The following TUFT1 variants were observed in gnomAD, a reference collection of about 807,000 sequenced individuals.
TUFT1 encodes tuftelin.
Under a neutral mutation model 57.8 loss-of-function variants are expected in TUFT1, and 43 were observed. The observed-to-expected ratio is 0.74, with a 90% CI of 0.58 to 0.96. The LOEUF (loss-of-function observed/expected upper bound fraction) is 0.96. Among genes scored for constraint, TUFT1 ranks in the 40% least tolerant of loss-of-function variants. The pLI, the probability that TUFT1 is intolerant of heterozygous loss-of-function variation, is 0.00. For synonymous variants in TUFT1, 166 were observed against 176.7 expected (o/e 0.94, Z 0.48); for missense variants, 459 against 489.0 (o/e 0.94, Z 0.58).
chr1:151,561,743 A>G (rs951033632), intron 1 of TUFT1: 10 of 1,315,406 alleles, frequency 7.6e-6, no homozygotes, highest in Middle Eastern at 2.1e-4. Context: ...ATTGAGGATG[A>G]GCAGTCCAGG....
intron 7 of TUFT1, among the ~76,000 whole-genome samples, chr1:151,572,863 C>T (rs192842118): frequency 2.0e-4 from 30 of 152,268 alleles, no homozygotes; most frequent in Admixed American, 4.6e-4. Flanking sequence ...AGGGGCTGGA[C>T]GAACTGGCTG....
At chr1:151,544,865 GT>G (rs1381911152) in intron 1 of TUFT1, among the ~76,000 whole-genome samples, 2 of 152,144 alleles carry the variant, frequency 1.3e-5, no homozygotes, top group African/African-American at 2.4e-5. Context: ...TGATTTATCA[GT>G]TTTAGACATC....
At chr1:151,567,969 A>G (rs1439806204) in intron 6 of TUFT1, among the ~76,000 whole-genome samples, 2 of 152,280 alleles carry the variant, frequency 1.3e-5, no homozygotes, top group Non-Finnish European at 2.9e-5. Flanking sequence ...AGAAACAAAT[A>G]TCACTTGTAA....
At position 151,562,047 on chromosome 1, in the gene TUFT1, CTG is replaced by C. The variant is rs770542392; in HGVS notation, c.61-42_61-41del. 3 of 1,594,218 alleles carry C rather than the reference CTG, an allele frequency of 1.9e-6. No homozygotes were observed. In the South Asian group the frequency reaches 3.3e-5, roughly 18 times the overall value. On this transcript the variant is annotated intron_variant, in intron 1 of 12. Transcript: ENST00000368849. ...ACTGGTAGCAGTTTGTACCTGTAGA[CTG>C]TAAAGTTGAGGGGTTATTGTTGCTG... is the stretch of plus-strand genomic sequence containing the variant.
At chr1:151,542,957 A>G (rs76989031) in intron 1 of TUFT1, among the ~76,000 whole-genome samples, 2,511 of 152,322 alleles carry the variant, frequency 0.016, 31 homozygotes, top group Non-Finnish European at 0.026. Context: ...AAGTGAGTCA[A>G]TAAATAAATG....
rs368311783 is a variant in TUFT1, at chr1:151,564,012, C to T, written c.324+22C>T. On this transcript the variant is annotated intron_variant, in intron 4 of 12. Transcript: ENST00000368849. ...GGAGGTGGGCACCCCTTACCTCTCA[C>T]GCAGTGCCTAGGTCATTTCTCTAAA... The T allele has an allele frequency of 4.8e-4, 765 of 1,578,902 alleles. 1 individual carries two copies. Among genetic ancestry groups the T allele is most frequent in the Non-Finnish European group, 6.4e-4 (732 of 1,150,082 alleles).
At chr1:151,565,426 G>A (rs1286668600) in intron 5 of TUFT1, among the ~76,000 whole-genome samples, 1 of 152,252 alleles carries the variant, frequency 6.6e-6, no homozygotes, top group Non-Finnish European at 1.5e-5. Flanking sequence ...TCCCTTGAGG[G>A]GAACAGTGGC....
chr1:151,543,273 A>T (rs1279935037), intron 1 of TUFT1, among the ~76,000 whole-genome samples: 2 of 151,754 alleles, frequency 1.3e-5, no homozygotes, highest in Non-Finnish European at 2.9e-5. Context: ...ACACTCTTAG[A>T]GTGTTAGTGA....
chr1:151,557,919 A>T, intron 1 of TUFT1: 1 of 683,574 alleles, frequency 1.5e-6, no homozygotes, highest in Non-Finnish European at 2.7e-6. Flanking sequence ...TTGGTTGAGG[A>T]TGTGGTCAGC....
At chr1:151,548,578 G>A (rs1174223880) in intron 1 of TUFT1, among the ~76,000 whole-genome samples, 1 of 152,170 alleles carries the variant, frequency 6.6e-6, no homozygotes, top group Non-Finnish European at 1.5e-5. Context: ...TGGGATTACA[G>A]GCTTGAGCCT....
chr1:151,545,886 G>T, intron 1 of TUFT1: 1 of 532,624 alleles, frequency 1.9e-6, no homozygotes, highest in Non-Finnish European at 3.9e-6. Context: ...CTCTCTCTGG[G>T]CATCTTTCCT....
intron 1 of TUFT1, among the ~76,000 whole-genome samples, chr1:151,543,526 CA>C (rs1665233096): frequency 6.6e-6 from 1 of 152,010 alleles, no homozygotes; most frequent in Admixed American, 6.6e-5. Context: ...TGGTTATAAA[CA>C]ACAGAGAATG....
chr1:151,564,712 A>G, intron 5 of TUFT1, 98 bp downstream of exon 5: 1 of 1,008,690 alleles, frequency 9.9e-7, no homozygotes, highest in Non-Finnish European at 1.5e-6. Context: ...TAAATCTAGC[A>G]TCCCTGCCAG....
At position 151,562,630 on chromosome 1, in the gene TUFT1, C is replaced by A; in HGVS notation, c.181C>A (p.His61Asn). 1 of 1,613,080 alleles carries A rather than the reference C, an allele frequency of 6.2e-7. No individual in the cohort carries two copies. The highest frequency in any genetic ancestry group is 1.1e-5 in the South Asian group (1 of 90,994). ...YAMVSSHSAG[H>N]SLASELVESH... is the part of the protein sequence containing the mutation. ...CATGGTGTCCAGCCACTCAGCTGGTCATTCTCTGGCTTCAGAACTGGTGGA... is the reference window on the plus strand; with the variant it reads ...CATGGTGTCCAGCCACTCAGCTGGTAATTCTCTGGCTTCAGAACTGGTGGA... Residue 61 changes from histidine to asparagine, a missense_variant, in exon 3 of 13, where the codon CAT becomes AAT. Coordinates refer to ENST00000368849, the MANE Select transcript of TUFT1 (RefSeq NM_020127.3).
Position 151,562,639 on chromosome 1 carries a change from GCTTCAGAA to G in TUFT1, c.193_200del (p.Ser65GlyfsTer5). ...CAGCCACTCAGCTGGTCATTCTCTG[GCTTCAGAA>G]CTGGTGGAGTCCCATGATGGACATG... On this transcript the variant is annotated frameshift_variant, in exon 3 of 13. Coordinates refer to ENST00000368849, the MANE Select transcript of TUFT1 (RefSeq NM_020127.3). LOFTEE classifies it high-confidence loss of function. The G allele has an allele frequency of 6.2e-7, 1 of 1,613,024 alleles. No homozygotes were observed. The highest frequency in any genetic ancestry group is 8.5e-7 in the Non-Finnish European group (1 of 1,180,000).
At chr1:151,558,291 T>C (rs1403697590) in intron 1 of TUFT1, among the ~76,000 whole-genome samples, 1 of 151,898 alleles carries the variant, frequency 6.6e-6, no homozygotes, top group East Asian at 1.9e-4. Context: ...TCTTTCAGCA[T>C]TTGAAAAATA....
chr1:151,545,022 G>A (rs1665287767), intron 1 of TUFT1, among the ~76,000 whole-genome samples: 1 of 152,128 alleles, frequency 6.6e-6, no homozygotes, highest in Non-Finnish European at 1.5e-5. Context: ...TCAAGAGCAT[G>A]GCTCTGGGCT....
At chr1:151,574,187 G>T (rs1183082799) in intron 7 of TUFT1, 83 bp from the exon 8 acceptor site, 50 of 1,532,212 alleles carry the variant, frequency 3.3e-5, no homozygotes, top group Admixed American at 4.2e-5. Flanking sequence ...AGCCGCCCAG[G>T]TTCCTGGGTT....
At chr1:151,560,808 C>T (rs1331783714) in intron 1 of TUFT1, among the ~76,000 whole-genome samples, 1 of 152,210 alleles carries the variant, frequency 6.6e-6, no homozygotes, top group South Asian at 2.1e-4. Flanking sequence ...AGTGGCTAAG[C>T]CCCTCATTCA....
Sources: gnomAD v4.1 joint callset for allele counts (sites outside exome capture counted in the v4.1 genomes callset) on GRCh38, gnomAD v4.1.1 for gene constraint, MANE v1.5 for transcripts, NCBI Gene and HGNC (gene_info 2026-07-23, HGNC 2026-07-21) for gene names.